The following CAPN13 variants were observed in gnomAD, a reference collection of about 807,000 sequenced individuals.
CAPN13 encodes calpain-13.
CAPN13 carries 90 observed loss-of-function variants against 98.4 expected under a neutral mutation model. The observed-to-expected ratio is 0.92, with a 90% confidence interval of 0.77 to 1.09. The LOEUF (loss-of-function observed/expected upper bound fraction) is 1.09, where lower values mean the gene tolerates loss of function less well. Among genes scored for constraint, CAPN13 ranks in the 50% least tolerant of loss-of-function variants. The pLI is 0.00. For synonymous variants in CAPN13, 330 were observed against 305.5 expected, an observed-to-expected ratio of 1.08 and a Z score of -0.84; for missense variants, 887 against 841.3, an observed-to-expected ratio of 1.05 and a Z score of -0.67.
In CAPN13 at chr2:30,790,009, G is replaced by A. The variant is rs112998187; in HGVS notation, c.-32-2652C>T. Among the ~76,000 whole-genome samples the A allele has an allele frequency of 2.2e-3, 338 of 152,306 alleles. 1 individual carries two copies. The highest frequency in any genetic ancestry group is 3.6e-3 in the Non-Finnish European group (248 of 68,026). On this transcript the variant is annotated intron_variant, in intron 1 of 22. Transcript: ENST00000295055. The stretch of plus-strand genomic sequence containing the variant: ...CAGCAGGCTGGGTGTCTGCTGCTGC[G>A]GAGGTGGGCTGTTCTGGGAGGAGAC...
chr2:30,754,467 G>A, intron 8 of CAPN13, 103 bp from the exon 9 acceptor site: 1 of 894,638 alleles, frequency 1.1e-6, no homozygotes, highest in East Asian at 3.1e-5. Flanking sequence ...CCATTCCTGG[G>A]GAGCACAGGG....
intron 11 of CAPN13, among the ~76,000 whole-genome samples, chr2:30,750,101 G>T (rs894298399): frequency 2.0e-5 from 3 of 152,094 alleles, no homozygotes; most frequent in Admixed American, 6.5e-5. Flanking sequence ...AGAAAATGTG[G>T]TACATATATA....
At chr2:30,754,701 C>T (rs1035006934) in intron 8 of CAPN13, among the ~76,000 whole-genome samples, 2 of 151,978 alleles carry the variant, frequency 1.3e-5, no homozygotes, top group African/African-American at 2.4e-5. Context: ...ATGAGGAGTC[C>T]CTCTCTCACA....
chr2:30,764,706 C>G (rs151037027), intron 5 of CAPN13, among the ~76,000 whole-genome samples: 43 of 152,232 alleles, frequency 2.8e-4, no homozygotes, highest in African/African-American at 1.0e-3. Flanking sequence ...TTAATGAGTC[C>G]TGGATATTAT....
At chr2:30,796,146 A>ATATATATATATACATATATATGTG (rs1558347249) in intron 1 of CAPN13, among the ~76,000 whole-genome samples, 5 of 144,572 alleles carry the variant, frequency 3.5e-5, no homozygotes, top group African/African-American at 1.3e-4. Flanking sequence ...ATATGTGTGT[A>ATATATATATATACATATATATGTG]TATATATATA....
intron 7 of CAPN13, among the ~76,000 whole-genome samples, chr2:30,760,917 G>A (rs755557052): frequency 1.8e-4 from 27 of 152,216 alleles, no homozygotes; most frequent in Non-Finnish European, 3.7e-4. Context: ...GTGCTACTGG[G>A]CAGGAGGTGG....
intron 1 of CAPN13, among the ~76,000 whole-genome samples, chr2:30,799,870 G>T (rs986531442): frequency 2.0e-5 from 3 of 152,038 alleles, no homozygotes; most frequent in Non-Finnish European, 1.5e-5. Context: ...TCAGGAGATC[G>T]AGACCATCCT....
At chr2:30,785,356 A>T (rs762962002) in intron 2 of CAPN13, among the ~76,000 whole-genome samples, 23 of 152,226 alleles carry the variant, frequency 1.5e-4, no homozygotes, top group Non-Finnish European at 3.1e-4. Context: ...ACACATGGAA[A>T]GCTCTGGAAA....
At chr2:30,757,992 C>T (rs1672543254) in intron 8 of CAPN13, 54 bp downstream of exon 8, 12 of 1,393,722 alleles carry the variant, frequency 8.6e-6, no homozygotes, top group Non-Finnish European at 1.2e-5. Flanking sequence ...GCAGGAGGCT[C>T]TACCGACACC....
chr2:30,796,969 C>T (rs1674916814), intron 1 of CAPN13, among the ~76,000 whole-genome samples: 1 of 152,138 alleles, frequency 6.6e-6, no homozygotes, highest in Non-Finnish European at 1.5e-5. Flanking sequence ...GGAGGCAAGC[C>T]CTTTGCTTGC....
chr2:30,804,261 C>T (rs983386818), intron 1 of CAPN13, among the ~76,000 whole-genome samples: 1 of 152,124 alleles, frequency 6.6e-6, no homozygotes, highest in African/African-American at 2.4e-5. Context: ...AGTGCAGTGG[C>T]GCAACCTCGG....
chr2:30,736,664 T>A, intron 17 of CAPN13, 93 bp from the exon 18 acceptor site: 2 of 1,125,642 alleles, frequency 1.8e-6, no homozygotes, highest in Non-Finnish European at 2.7e-6. Flanking sequence ...CATTCATCAC[T>A]AGCAACACAG....
chr2:30,805,205 G>A (rs528260005), intron 1 of CAPN13, among the ~76,000 whole-genome samples: 1 of 152,286 alleles, frequency 6.6e-6, no homozygotes, highest in Admixed American at 6.5e-5. Flanking sequence ...GAGACAGAGT[G>A]AGCCAACATA....
chr2:30,747,957 TG>T (rs1201245621), intron 11 of CAPN13, among the ~76,000 whole-genome samples: 1 of 152,204 alleles, frequency 6.6e-6, no homozygotes, highest in Non-Finnish European at 1.5e-5. Context: ...AGTAGGAAAG[TG>T]GGCTTGATGT....
chr2:30,767,878 G>A (rs886619397), intron 5 of CAPN13, among the ~76,000 whole-genome samples: 11 of 152,138 alleles, frequency 7.2e-5, no homozygotes, highest in Non-Finnish European at 1.2e-4. Flanking sequence ...CAGAATGGAC[G>A]GGAAAGATAA....
intron 1 of CAPN13, among the ~76,000 whole-genome samples, chr2:30,798,551 C>T (rs1232053967): frequency 6.6e-6 from 1 of 152,220 alleles, no homozygotes; most frequent in Non-Finnish European, 1.5e-5. Flanking sequence ...CATATCCCAG[C>T]AACAAAGGGT....
chr2:30,724,127 C>G (rs990916171), intron 22 of CAPN13, among the ~76,000 whole-genome samples: 3 of 152,146 alleles, frequency 2.0e-5, no homozygotes, highest in Non-Finnish European at 4.4e-5. Context: ...TTCCCTCCTT[C>G]TGATATATTT....
chr2:30,741,806 C>T, intron 15 of CAPN13, 102 bp downstream of exon 15: 1 of 1,585,368 alleles, frequency 6.3e-7, no homozygotes, highest in Non-Finnish European at 8.6e-7. Flanking sequence ...CATCAAGTCA[C>T]TTCTCCTCTC....
At chr2:30,749,144 G>C (rs62142186) in intron 11 of CAPN13, among the ~76,000 whole-genome samples, 1 of 152,156 alleles carries the variant, frequency 6.6e-6, no homozygotes, top group Non-Finnish European at 1.5e-5. Context: ...GAACATGCTT[G>C]TACTTCTGAA....
Sources: allele counts gnomAD v4.1 joint callset (sites outside exome capture counted in the v4.1 genomes callset), GRCh38; gene constraint gnomAD v4.1.1; transcripts MANE v1.5; gene names NCBI Gene and HGNC (gene_info 2026-07-23, HGNC 2026-07-21).